Variants in CTNNA3 observed in about 807,000 individuals in gnomAD.
The protein encoded by CTNNA3 is catenin alpha-3.
Under a neutral mutation model 95.7 loss-of-function variants are expected in CTNNA3, and 76 were observed. The observed-to-expected ratio is 0.79, with a 90% CI of 0.66 to 0.96. The LOEUF (loss-of-function observed/expected upper bound fraction) is 0.96, where lower values mean the gene tolerates loss of function less well. Ranked by LOEUF, CTNNA3 falls within the 40% of genes least tolerant of loss-of-function variation. CTNNA3 has a pLI of 0.00. For missense variants in CTNNA3, 1,191 were observed against 1,089.8 expected, an observed-to-expected ratio of 1.09 and a Z score of -1.31; for synonymous variants, 431 against 374.4, an observed-to-expected ratio of 1.15 and a Z score of -1.74.
intron 13 of CTNNA3, among the ~76,000 whole-genome samples, chr10:66,207,419 A>G (rs1388197493): frequency 6.6e-6 from 1 of 151,980 alleles, no homozygotes; most frequent in Non-Finnish European, 1.5e-5. Flanking sequence ...CTTTTTGCCA[A>G]AGAAAAACAG....
intron 13 of CTNNA3, among the ~76,000 whole-genome samples, chr10:66,199,783 A>ATG (rs2087222497): frequency 9.7e-5 from 1 of 10,306 alleles, no homozygotes; most frequent in Non-Finnish European, 1.9e-4. Context: ...ATATATATAT[A>ATG]TATATATATA....
rs919952256 is a variant in CTNNA3, at chr10:67,437,680, T to C, written c.579+84162A>G. 2.6e-5 allele frequency among the ~76,000 whole-genome samples: 4 copies of C among 152,114 alleles called. No homozygotes were observed. The East Asian group carries it at 5.8e-4, about 22-fold the overall frequency. Reference sequence around the variant, plus strand: ...AATTTCTTAGTAAGAAAAAAAGAAATAGAACTTAAATATTCTTAGATATTT... The same window carrying C: ...AATTTCTTAGTAAGAAAAAAAGAAACAGAACTTAAATATTCTTAGATATTT... On this transcript the variant is annotated intron_variant, in intron 5 of 17. Transcript: ENST00000433211.
At chr10:66,967,853 G>A (rs1849521255) in intron 7 of CTNNA3, among the ~76,000 whole-genome samples, 1 of 152,024 alleles carries the variant, frequency 6.6e-6, no homozygotes. Context: ...CTACAACAAT[G>A]AGTAGTTAAT....
At chr10:67,005,357 C>CT (rs1851905848) in intron 7 of CTNNA3, among the ~76,000 whole-genome samples, 1 of 152,102 alleles carries the variant, frequency 6.6e-6, no homozygotes, top group South Asian at 2.1e-4. Flanking sequence ...TACACTTTAT[C>CT]TAAATCACTT....
chr10:67,178,092 C>T (rs1399354349), intron 7 of CTNNA3, among the ~76,000 whole-genome samples: 1 of 152,080 alleles, frequency 6.6e-6, no homozygotes, highest in African/African-American at 2.4e-5. Context: ...TGCAGTCCTG[C>T]CTCCGAGTGA....
intron 7 of CTNNA3, among the ~76,000 whole-genome samples, chr10:67,153,270 C>T (rs1380474999): frequency 6.6e-6 from 1 of 152,186 alleles, no homozygotes; most frequent in Non-Finnish European, 1.5e-5. Flanking sequence ...GCCACCACGC[C>T]TAGCCAGGAA....
intron 10 of CTNNA3, among the ~76,000 whole-genome samples, chr10:66,579,747 T>C (rs1319561271): frequency 6.6e-6 from 1 of 151,824 alleles, no homozygotes. Context: ...TATTTATTAC[T>C]GGATATAGGA....
At chr10:67,295,834 A>G (rs563482946) in intron 5 of CTNNA3, among the ~76,000 whole-genome samples, 6 of 152,330 alleles carry the variant, frequency 3.9e-5, no homozygotes, top group African/African-American at 1.2e-4. Context: ...ATTCTGTTAA[A>G]TCTTGTTTAT....
At chr10:66,532,928 T>C (rs1841520767) in intron 10 of CTNNA3, among the ~76,000 whole-genome samples, 1 of 152,164 alleles carries the variant, frequency 6.6e-6, no homozygotes, top group Admixed American at 6.5e-5. Context: ...ATTTTATTAA[T>C]ATCCTTGACC....
At chr10:67,095,308 A>C (rs1468653983) in intron 7 of CTNNA3, among the ~76,000 whole-genome samples, 1 of 151,770 alleles carries the variant, frequency 6.6e-6, no homozygotes, top group Non-Finnish European at 1.5e-5. Context: ...GTTGCTTATA[A>C]GTTCCATCCT....
chr10:66,215,727 T>A (rs2088487910), intron 13 of CTNNA3, among the ~76,000 whole-genome samples: 1 of 152,154 alleles, frequency 6.6e-6, no homozygotes, highest in South Asian at 2.1e-4. Context: ...ATAAGAACCA[T>A]GGAAGGAGGA....
intron 5 of CTNNA3, among the ~76,000 whole-genome samples, chr10:67,480,383 C>T (rs1394138856): frequency 6.6e-6 from 1 of 152,174 alleles, no homozygotes; most frequent in Non-Finnish European, 1.5e-5. Flanking sequence ...TGGCCATAAA[C>T]AGGCCATGAG....
At chr10:66,121,964 T>C (rs974497911) in intron 13 of CTNNA3, among the ~76,000 whole-genome samples, 4 of 152,194 alleles carry the variant, frequency 2.6e-5, no homozygotes, top group Admixed American at 2.0e-4. Context: ...TAAAACATAT[T>C]GCTATGGTTT....
At chr10:66,071,571 C>A (rs998862957) in intron 14 of CTNNA3, among the ~76,000 whole-genome samples, 1 of 152,060 alleles carries the variant, frequency 6.6e-6, no homozygotes, top group Non-Finnish European at 1.5e-5. Flanking sequence ...AGCCAACAAA[C>A]ACGAATAATA....
chr10:67,574,273 T>C (rs1842070227), intron 3 of CTNNA3, among the ~76,000 whole-genome samples: 1 of 152,164 alleles, frequency 6.6e-6, no homozygotes, highest in South Asian at 2.1e-4. Flanking sequence ...CTCTTTTCTT[T>C]GATTGATTTA....
At chr10:67,122,210 C>T (rs1859504464) in intron 7 of CTNNA3, among the ~76,000 whole-genome samples, 1 of 151,762 alleles carries the variant, frequency 6.6e-6, no homozygotes, top group Non-Finnish European at 1.5e-5. Flanking sequence ...CAGTAAGCCA[C>T]TTGTTATGAA....
intron 9 of CTNNA3, among the ~76,000 whole-genome samples, chr10:66,661,492 A>T (rs1401875709): frequency 6.6e-6 from 1 of 152,168 alleles, no homozygotes; most frequent in Non-Finnish European, 1.5e-5. Context: ...GCCAACCCAT[A>T]TCAAATGTCA....
chr10:67,412,045 G>A (rs1845385699), intron 5 of CTNNA3, among the ~76,000 whole-genome samples: 1 of 152,046 alleles, frequency 6.6e-6, no homozygotes, highest in Non-Finnish European at 1.5e-5. Context: ...GTGTGTCAAT[G>A]TTCTTTAGAA....
intron 11 of CTNNA3, among the ~76,000 whole-genome samples, chr10:66,438,710 T>C (rs2093355143): frequency 1.3e-5 from 2 of 152,112 alleles, no homozygotes; most frequent in Admixed American, 1.3e-4. Flanking sequence ...AATGGTTCTG[T>C]CTTGCTAGCA....
Sources: gnomAD v4.1 joint callset for allele counts (sites outside exome capture counted in the v4.1 genomes callset) on GRCh38, gnomAD v4.1.1 for gene constraint, MANE v1.5 for transcripts, NCBI Gene and HGNC (gene_info 2026-07-23, HGNC 2026-07-21) for gene names.